The following MTMR3 variants were observed in gnomAD, a reference collection of about 807,000 sequenced individuals.
MTMR3 encodes myotubularin related protein 3.
A neutral mutation model predicts 132.4 loss-of-function variants in MTMR3; 32 were observed. That is an observed-to-expected ratio of 0.24 (90% CI 0.18 to 0.32). The LOEUF (loss-of-function observed/expected upper bound fraction) is 0.32. Among genes scored for constraint, MTMR3 ranks in the 10% least tolerant of loss-of-function variants. The probability of loss-of-function intolerance (pLI) is 1.00; values close to 1 mark genes in which losing one functional copy is unlikely to be tolerated. For missense variants in MTMR3, 1,216 were observed against 1,489.6 expected, an observed-to-expected ratio of 0.82 and a Z score of 3.02; for synonymous variants, 556 against 550.3, an observed-to-expected ratio of 1.01 and a Z score of -0.14.
At chr22:30,007,579 G>A in intron 10 of MTMR3, 1 of 565,348 alleles carries the variant, frequency 1.8e-6, no homozygotes, top group South Asian at 2.1e-5. Flanking sequence ...TGTAATAGAG[G>A]ACTTGCAGTA....
Position 30,020,165 on chromosome 22 carries a change from G to A in MTMR3, c.2506G>A (p.Glu836Lys). 6.2e-7 allele frequency: 1 copy of A among 1,614,216 alleles called. No individual in the cohort carries two copies. Among genetic ancestry groups the A allele is most frequent in the Non-Finnish European group, 8.5e-7 (1 of 1,180,040 alleles). The part of the protein sequence containing the change: ...CSLLPSQVPF[E>K]TRGPNVDSST... Reference sequence around the variant, plus strand: ...TCTGCTACCTTCCCAAGTCCCTTTTGAGACCAGAGGACCAAACGTGGACAG... The same window carrying A: ...TCTGCTACCTTCCCAAGTCCCTTTTAAGACCAGAGGACCAAACGTGGACAG... Residue 836 changes from glutamate to lysine, a missense_variant, in exon 17 of 20, where the codon GAG (glutamate) becomes AAG (lysine). Glu to Lys is a moderately conservative substitution (Grantham distance 56, BLOSUM62 1). Around this residue, in one of 7 missense-constraint regions of MTMR3, gnomAD observed 852 missense variants for 852.0 expected, o/e 1.00. Transcript: ENST00000401950.
chr22:30,025,428 A>G, intron 19 of MTMR3: 4 of 593,692 alleles, frequency 6.7e-6, no homozygotes, highest in Non-Finnish European at 9.0e-6. Context: ...TTGGCCCCAA[A>G]GTGAAAATGA....
chr22:29,918,649 C>T (rs2065352512), intron 1 of MTMR3, among the ~76,000 whole-genome samples: 1 of 152,152 alleles, frequency 6.6e-6, no homozygotes, highest in African/African-American at 2.4e-5. Context: ...GAGAATTACT[C>T]ATGTATTAAA....
chr22:29,952,017 T>A (rs968193429), intron 1 of MTMR3, among the ~76,000 whole-genome samples: 9 of 151,910 alleles, frequency 5.9e-5, no homozygotes, highest in African/African-American at 2.2e-4. Flanking sequence ...AGCCTCCTAG[T>A]AGCTGGGACT....
At chr22:29,999,318 C>A (rs1042453813) in intron 8 of MTMR3, 2 of 152,108 alleles carry the variant, frequency 1.3e-5, no homozygotes, top group African/African-American at 4.8e-5. Flanking sequence ...ATCTGAAATT[C>A]TTGGGACTGT....
chr22:29,910,673 A>G (rs1041061214), intron 1 of MTMR3, among the ~76,000 whole-genome samples: 1 of 150,900 alleles, frequency 6.6e-6, no homozygotes, highest in East Asian at 1.9e-4. Flanking sequence ...CTAAACTGTC[A>G]TATATATAAG....
rs2067599390 is a variant in MTMR3 at position 30,016,679 on chromosome 22, A to G, written c.1655A>G (p.Tyr552Cys). The G allele has an allele frequency of 6.2e-7, 1 of 1,613,634 alleles. No individual in the cohort carries two copies. Among genetic ancestry groups the G allele is most frequent in the Non-Finnish European group, 8.5e-7 (1 of 1,179,780 alleles). Residue 552 changes from tyrosine to cysteine, a missense_variant, in exon 15 of 20, where the codon TAT (tyrosine) becomes TGT (cysteine). Transcript: ENST00000401950. Reference protein sequence around the residue: ...AGNKAFKNLLYSSQSEAVLYP... With the variant: ...AGNKAFKNLLCSSQSEAVLYP... ...AACAAGGCTTTCAAAAACCTACTGT[A>G]TTCCTCTCAGTCAGAAGCCGTATGT...
At chr22:29,958,678 C>T (rs1349891769) in intron 2 of MTMR3, among the ~76,000 whole-genome samples, 1 of 152,140 alleles carries the variant, frequency 6.6e-6, no homozygotes, top group Non-Finnish European at 1.5e-5. Context: ...TTTGCATTAC[C>T]ATGGAATTAA....
chr22:30,024,642 G>A (rs1263446014), intron 19 of MTMR3: 4 of 152,240 alleles, frequency 2.6e-5, no homozygotes, highest in Admixed American at 6.5e-5. Flanking sequence ...AAAGTTAGAA[G>A]GCTAAGAAGC....
chr22:29,998,055 CTTA>C (rs946849180), intron 7 of MTMR3: 7 of 152,096 alleles, frequency 4.6e-5, no homozygotes, highest in Admixed American at 2.0e-4. Context: ...GATTTTATTT[CTTA>C]TTAAGTGTAC....
At chr22:29,913,354 C>T (rs2065249687) in intron 1 of MTMR3, among the ~76,000 whole-genome samples, 1 of 152,220 alleles carries the variant, frequency 6.6e-6, no homozygotes, top group Non-Finnish European at 1.5e-5. Context: ...TATCCCAAAA[C>T]ATGTTTCCAC....
chr22:29,897,793 C>T (rs1413553842), intron 1 of MTMR3, among the ~76,000 whole-genome samples: 2 of 151,876 alleles, frequency 1.3e-5, no homozygotes, highest in Non-Finnish European at 2.9e-5. Context: ...GGTTGGAGTC[C>T]CTTTTGTCAT....
At position 30,020,486 on chromosome 22, in the gene MTMR3, C is replaced by T. The variant is rs779072052; in HGVS notation, c.2827C>T (p.Pro943Ser). The change falls in exon 17 of 20, where the codon CCA becomes TCA. Residue 943 changes from proline (P) to serine (S), a missense_variant. By Grantham distance (74) the Pro-to-Ser change is moderately conservative. Transcript: ENST00000401950. ...TGAAAACAGGGCCTCAGAGCAGCCC[C>T]CAGGTCTTAGCACCCTCCAGATGTA... ...ETENRASEQP[P>S]GLSTLQMYPT... 4.3e-6 allele frequency: 7 copies of T among 1,614,210 alleles called. No individual in the cohort carries two copies. The highest frequency in any genetic ancestry group is 5.9e-6 in the Non-Finnish European group (7 of 1,180,042).
In MTMR3 at chr22:30,026,024, G is replaced by A; in HGVS notation, c.*223G>A. The A allele has an allele frequency of 2.3e-6, 1 of 442,814 alleles. No individual in the cohort carries two copies. Among genetic ancestry groups the A allele is most frequent in the Non-Finnish European group, 4.0e-6 (1 of 252,966 alleles). 27.4% of individuals were successfully genotyped at this position (442,814 alleles called of 1,614,324 possible). ...ATCCTCCTCCTCTGCCTTCAAAAAA[G>A]GAAACTTTCCCTTGGTTGTCTTAAT... On this transcript the variant is annotated 3_prime_UTR_variant, in exon 20 of 20. Coordinates refer to ENST00000401950, the MANE Select transcript of MTMR3 (RefSeq NM_021090.4).
At chr22:29,937,136 G>A (rs748965100) in intron 1 of MTMR3, among the ~76,000 whole-genome samples, 1 of 151,870 alleles carries the variant, frequency 6.6e-6, no homozygotes, top group Non-Finnish European at 1.5e-5. Context: ...GTCATATCTA[G>A]TAATGTTAAG....
At chr22:29,905,437 A>G (rs1204412272) in intron 1 of MTMR3, among the ~76,000 whole-genome samples, 4 of 152,316 alleles carry the variant, frequency 2.6e-5, no homozygotes, top group Non-Finnish European at 5.9e-5. Flanking sequence ...TACTTGTATC[A>G]TAGTTGATAT....
chr22:29,897,058 A>AT (rs1204787744), intron 1 of MTMR3, among the ~76,000 whole-genome samples: 2 of 151,278 alleles, frequency 1.3e-5, no homozygotes, highest in African/African-American at 4.9e-5. Context: ...AATTCAGTAG[A>AT]TTTTTTTTCT....
chr22:29,900,172 G>A (rs904822846), intron 1 of MTMR3, among the ~76,000 whole-genome samples: 5 of 152,128 alleles, frequency 3.3e-5, no homozygotes, highest in African/African-American at 1.2e-4. Flanking sequence ...TTGTTAGGAG[G>A]GAAGGAGTTG....
intron 1 of MTMR3, among the ~76,000 whole-genome samples, chr22:29,911,450 G>C (rs2065210626): frequency 6.6e-6 from 1 of 152,098 alleles, no homozygotes; most frequent in Admixed American, 6.6e-5. Flanking sequence ...TGCTGACATG[G>C]GAGGGTCCCT....
Sources: allele counts gnomAD v4.1 joint callset (sites outside exome capture counted in the v4.1 genomes callset), GRCh38; gene constraint gnomAD v4.1.1; regional missense constraint gnomAD v4.1.1; transcripts MANE v1.5; gene names NCBI Gene and HGNC (gene_info 2026-07-23, HGNC 2026-07-21).